EPSTI1: variants seen among roughly 807,000 people sequenced by gnomAD.
EPSTI1 encodes the protein epithelial-stromal interaction protein 1.
In EPSTI1, 66 loss-of-function variants were observed where a neutral mutation model predicts 49.9. That is an observed-to-expected ratio of 1.32 (90% CI 1.08 to 1.62). The LOEUF is 1.62. Ranked by LOEUF, EPSTI1 falls within the 40% of genes most tolerant of loss-of-function variation. EPSTI1 has a pLI of 0.00. For missense variants in EPSTI1, 394 were observed against 365.5 expected (o/e 1.08, Z -0.64); for synonymous variants, 137 against 130.7 (o/e 1.05, Z -0.33).
intron 6 of EPSTI1, among the ~76,000 whole-genome samples, chr13:42,951,628 A>G (rs1265449037): frequency 6.6e-6 from 1 of 152,230 alleles, no homozygotes; most frequent in Non-Finnish European, 1.5e-5. Flanking sequence ...CACAAACTCA[A>G]GAAGCTGGAA....
chr13:42,890,893 T>G (rs938601672), intron 10 of EPSTI1, among the ~76,000 whole-genome samples: 2 of 152,184 alleles, frequency 1.3e-5, no homozygotes, highest in African/African-American at 2.4e-5. Flanking sequence ...TTTTGATCCC[T>G]TTATGAGGCA....
chr13:42,916,004 G>C (rs2037819465), intron 8 of EPSTI1, among the ~76,000 whole-genome samples: 1 of 151,796 alleles, frequency 6.6e-6, no homozygotes, highest in African/African-American at 2.4e-5. Context: ...AAATCCACTA[G>C]AAGTTATTTA....
chr13:42,962,281 G>T (rs1401278044), intron 5 of EPSTI1, among the ~76,000 whole-genome samples: 2 of 152,150 alleles, frequency 1.3e-5, no homozygotes, highest in Non-Finnish European at 1.5e-5. Context: ...GTAGGTCTGA[G>T]GTAGGGCTCA....
At chr13:42,975,572 C>T (rs1206066355) in intron 1 of EPSTI1, among the ~76,000 whole-genome samples, 1 of 152,160 alleles carries the variant, frequency 6.6e-6, no homozygotes, top group African/African-American at 2.4e-5. Context: ...GAGGCATACA[C>T]ACCCAGGATC....
In EPSTI1 at chr13:42,922,800, G is replaced by A. The variant is rs996891427; in HGVS notation, c.657+3536C>T. ...ACCTGCACTGAGTGCTCACAGTAGT[G>A]TGAGAGAGGAGAGCTGGAGAGGCAT... On this transcript the variant is annotated intron_variant, in intron 7 of 10. Coordinates refer to ENST00000313624, the MANE Select transcript of EPSTI1 (RefSeq NM_033255.5). The surrounding 1 kb of genome is among the most constrained non-coding windows in gnomAD (Gnocchi z 4.8). Among the ~76,000 whole-genome samples, 9 of 152,330 alleles carry A rather than the reference G, an allele frequency of 5.9e-5. No individual in the cohort carries two copies. The highest frequency in any genetic ancestry group is 1.9e-4 in the East Asian group (1 of 5,182).
At chr13:42,984,865 G>A (rs2040050642) in intron 1 of EPSTI1, among the ~76,000 whole-genome samples, 1 of 152,232 alleles carries the variant, frequency 6.6e-6, no homozygotes, top group African/African-American at 2.4e-5. Context: ...GGGCCCTGAA[G>A]GAGGAAATGA....
chr13:42,888,655 G>C (rs575980755), intron 10 of EPSTI1, among the ~76,000 whole-genome samples, 153 bp from the exon 11 acceptor site: 18 of 152,130 alleles, frequency 1.2e-4, no homozygotes, highest in African/African-American at 4.3e-4. Context: ...CCATTGAAAC[G>C]ATTTGATTTT....
At chr13:42,951,607 A>G (rs560148839) in intron 6 of EPSTI1, among the ~76,000 whole-genome samples, 11 of 152,164 alleles carry the variant, frequency 7.2e-5, no homozygotes, top group Non-Finnish European at 1.5e-4. Flanking sequence ...GATCTTCTGT[A>G]TTTAGTAAAA....
intron 8 of EPSTI1, among the ~76,000 whole-genome samples, chr13:42,912,034 G>A (rs192638957): frequency 1.5e-3 from 229 of 152,190 alleles, no homozygotes; most frequent in Non-Finnish European, 2.5e-3. Flanking sequence ...CTGACTTTCA[G>A]TATTTTACTG....
intron 8 of EPSTI1, among the ~76,000 whole-genome samples, chr13:42,901,873 G>A (rs1159523224): frequency 6.6e-6 from 1 of 151,854 alleles, no homozygotes; most frequent in African/African-American, 2.4e-5. Context: ...CCACTAACTC[G>A]TCATCTAGCA....
chr13:42,983,899 C>T (rs2040033508), intron 1 of EPSTI1, among the ~76,000 whole-genome samples: 1 of 152,188 alleles, frequency 6.6e-6, no homozygotes, highest in South Asian at 2.1e-4. Context: ...TTTAGTCTCT[C>T]AGGGGTACCC....
At chr13:42,965,032 T>C (rs1044467014) in intron 3 of EPSTI1, among the ~76,000 whole-genome samples, 2 of 152,228 alleles carry the variant, frequency 1.3e-5, no homozygotes, top group Non-Finnish European at 2.9e-5. Context: ...GGGACTTTTC[T>C]TCTGAGATCT....
chr13:42,978,586 A>T lies in EPSTI1; in HGVS notation c.189-7916T>A, dbSNP rs187228343. On this transcript the variant is annotated intron_variant, in intron 1 of 10. Coordinates refer to ENST00000313624, the MANE Select transcript of EPSTI1 (RefSeq NM_033255.5). ...TTTGGGGACCCCAGGATTTCTTTTC[A>T]TTTCACAGTTCTGAGAACAATGCCA... is the stretch of plus-strand genomic sequence containing the variant. Among the ~76,000 whole-genome samples the T allele has an allele frequency of 5.3e-5, 8 of 152,234 alleles. No homozygotes were observed. In the East Asian group the frequency reaches 1.5e-3, roughly 29 times the overall value.
At chr13:42,906,830 TACTA>T (rs2037513426) in intron 8 of EPSTI1, among the ~76,000 whole-genome samples, 1 of 151,802 alleles carries the variant, frequency 6.6e-6, no homozygotes, top group African/African-American at 2.4e-5. Flanking sequence ...ACTCTCCCCT[TACTA>T]TTGTTTTTAA....
chr13:42,917,244 T>G (rs368544286), intron 8 of EPSTI1, among the ~76,000 whole-genome samples: 61 of 152,246 alleles, frequency 4.0e-4, no homozygotes, highest in African/African-American at 1.3e-3. Flanking sequence ...GGTGGTGGTG[T>G]TTTGTTTTGC....
chr13:42,968,597 A>G (rs1217656035), intron 3 of EPSTI1, among the ~76,000 whole-genome samples: 4 of 152,176 alleles, frequency 2.6e-5, no homozygotes, highest in Admixed American at 2.6e-4. Flanking sequence ...AGAGGTCTCT[A>G]TCTGTAGAAT....
At chr13:42,956,055 C>T (rs548743189) in intron 5 of EPSTI1, among the ~76,000 whole-genome samples, 1 of 152,000 alleles carries the variant, frequency 6.6e-6, no homozygotes, top group Admixed American at 6.5e-5. Flanking sequence ...GGGACACAGA[C>T]AAAAAAGAAA....
intron 6 of EPSTI1, among the ~76,000 whole-genome samples, chr13:42,948,819 G>A (rs2039003668): frequency 6.6e-6 from 1 of 152,078 alleles, no homozygotes; most frequent in African/African-American, 2.4e-5. Context: ...AAAGAACAAA[G>A]CACTTTGTAT....
At chr13:42,928,301 T>C (rs921158992) in intron 6 of EPSTI1, among the ~76,000 whole-genome samples, 2 of 152,254 alleles carry the variant, frequency 1.3e-5, no homozygotes, top group African/African-American at 2.4e-5. Context: ...ATATATTGGC[T>C]GAACTGAAGT....
Sources: gnomAD v4.1 joint callset for allele counts (sites outside exome capture counted in the v4.1 genomes callset) on GRCh38, gnomAD v4.1.1 for gene constraint, Gnocchi (gnomAD v3.1) non-coding constraint, MANE v1.5 for transcripts, NCBI Gene and HGNC (gene_info 2026-07-23, HGNC 2026-07-21) for gene names.